ADAMTS20: variants seen among roughly 807,000 people sequenced by gnomAD.
The protein encoded by ADAMTS20 is A disintegrin and metalloproteinase with thrombospondin motifs 20.
A neutral mutation model predicts 260.1 loss-of-function variants in ADAMTS20; 225 were observed. That is an observed-to-expected ratio of 0.87 (90% CI 0.78 to 0.97). ADAMTS20 has a LOEUF of 0.97. Among genes scored for constraint, ADAMTS20 ranks in the 50% least tolerant of loss-of-function variants. The pLI, the probability that ADAMTS20 is intolerant of heterozygous loss-of-function variation, is 0.00. For synonymous variants in ADAMTS20, 802 were observed against 769.5 expected (o/e 1.04, Z -0.70); for missense variants, 2,400 against 2,337.7 (o/e 1.03, Z -0.55).
chr12:43,353,203 T>A (rs565382085), downstream of ADAMTS20, among the ~76,000 whole-genome samples: 110 of 152,158 alleles, frequency 7.2e-4, no homozygotes, highest in Non-Finnish European at 1.4e-3. Context: ...ATTTGCCAAT[T>A]AATAGTTAAT....
intron 6 of ADAMTS20, among the ~76,000 whole-genome samples, 174 bp from the exon 7 acceptor site, chr12:43,490,609 CA>C (rs1387963930): frequency 6.6e-6 from 1 of 152,012 alleles, no homozygotes; most frequent in African/African-American, 2.4e-5. Flanking sequence ...ACCATTTGTC[CA>C]CATCAATAAG....
chr12:43,388,553 T>TA (rs1222495042), intron 29 of ADAMTS20, among the ~76,000 whole-genome samples: 1 of 152,236 alleles, frequency 6.6e-6, no homozygotes, highest in Non-Finnish European at 1.5e-5. Flanking sequence ...ACTGTAAACT[T>TA]AGACAACTTT....
intron 28 of ADAMTS20, chr12:43,422,773 A>C (rs1377572933): frequency 6.6e-6 from 1 of 152,050 alleles, no homozygotes; most frequent in African/African-American, 2.4e-5. Context: ...CATCTGTCTT[A>C]CTATTTGGCA....
At position 43,424,244 on chromosome 12, in the gene ADAMTS20, A is replaced by G. The variant is rs1286963815; in HGVS notation, c.4284+1270T>C. On this transcript the variant is annotated intron_variant, in intron 28 of 38. Coordinates refer to ENST00000389420, the MANE Select transcript of ADAMTS20 (RefSeq NM_025003.5). Reference sequence around the variant, plus strand: ...TTGGTCATTCTTGATTTAAAATATCAATGGTAATCAAAATGCCTATTTCAA... The same window carrying G: ...TTGGTCATTCTTGATTTAAAATATCGATGGTAATCAAAATGCCTATTTCAA... 2.0e-5 allele frequency among the ~76,000 whole-genome samples: 3 copies of G among 152,144 alleles called. No homozygotes were observed. The East Asian group carries it at 5.8e-4, about 29-fold the overall frequency.
chr12:43,483,080 C>G (rs1394840888), intron 7 of ADAMTS20, among the ~76,000 whole-genome samples: 2 of 152,166 alleles, frequency 1.3e-5, no homozygotes, highest in South Asian at 2.1e-4. Context: ...AAAGAAATCT[C>G]AGAGTCTACG....
In ADAMTS20 at chr12:43,551,297, A is replaced by T; in HGVS notation, c.92-27T>A. 1.3e-6 allele frequency: 2 copies of T among 1,595,382 alleles called. No homozygotes were observed. The highest frequency in any genetic ancestry group is 8.6e-7 in the Non-Finnish European group (1 of 1,168,730). ...TGCAACAACAGCGACAGGACCAGTG[A>T]GCTCCCACGCGTTCCTCATTGTCCA... On this transcript the variant is annotated intron_variant, in intron 1 of 38. Transcript: ENST00000389420. The surrounding 1 kb of genome is among the most constrained non-coding windows in gnomAD (Gnocchi z 4.6).
chr12:43,434,629 T>C (rs1389752832), intron 18 of ADAMTS20, among the ~76,000 whole-genome samples: 1 of 152,162 alleles, frequency 6.6e-6, no homozygotes, highest in Non-Finnish European at 1.5e-5. Context: ...TAAAATGAAA[T>C]TCACTATAGT....
intron 29 of ADAMTS20, among the ~76,000 whole-genome samples, chr12:43,390,979 ATCTTAG>A (rs1172962473): frequency 6.6e-6 from 1 of 151,926 alleles, no homozygotes; most frequent in African/African-American, 2.4e-5. Context: ...ATTTTTTTTT[ATCTTAG>A]TCTATTAGGG....
rs370002718 is a variant in ADAMTS20, at chr12:43,383,801, C to T, written c.4626+3G>A. 1.2e-6 allele frequency: 2 copies of T among 1,613,522 alleles called. No individual in the cohort carries two copies. Among genetic ancestry groups the T allele is most frequent in the Non-Finnish European group, 1.7e-6 (2 of 1,179,704 alleles). ...CTTTGAAAATTTACATGTCGATACT[C>T]ACATTCAGCCTCCCTCTTTCCATCC... On this transcript the variant is annotated splice_donor_region_variant and intron_variant, in intron 30 of 38. Coordinates refer to ENST00000389420, the MANE Select transcript of ADAMTS20 (RefSeq NM_025003.5).
intron 12 of ADAMTS20, 97 bp from the exon 13 acceptor site, chr12:43,452,792 A>G (rs1391245338): frequency 2.6e-6 from 3 of 1,156,422 alleles, no homozygotes; most frequent in Non-Finnish European, 3.6e-6. Flanking sequence ...CTAGAAAACC[A>G]GTGAAGTCCC....
chr12:43,493,352 T>C, intron 4 of ADAMTS20, 99 bp from the exon 5 acceptor site: 2 of 799,632 alleles, frequency 2.5e-6, no homozygotes, highest in Non-Finnish European at 2.0e-6. Flanking sequence ...CTAATTGCAC[T>C]GCACGTAGGA....
At chr12:43,518,626 C>G (rs79911020) in intron 3 of ADAMTS20, among the ~76,000 whole-genome samples, 1,570 of 152,094 alleles carry the variant, frequency 0.01, 34 homozygotes, top group African/African-American at 0.035. Flanking sequence ...ATTCTTATCT[C>G]AAGCCTAAAC....
intron 26 of ADAMTS20, 24 bp downstream of exon 26, chr12:43,428,217 T>C: frequency 2.5e-6 from 4 of 1,608,794 alleles, no homozygotes; most frequent in Non-Finnish European, 3.4e-6. Context: ...ACAGAATTAA[T>C]ATAACTCAAT....
At chr12:43,371,561 G>A (rs1430932799) in intron 36 of ADAMTS20, among the ~76,000 whole-genome samples, 2 of 152,116 alleles carry the variant, frequency 1.3e-5, no homozygotes, top group South Asian at 2.1e-4. Context: ...GGTTCTGGAT[G>A]GTCTTATTTA....
Position 43,432,825 on chromosome 12 carries a change from G to A in ADAMTS20, c.2721-14C>T. On this transcript the variant is annotated splice_polypyrimidine_tract_variant and intron_variant, in intron 19 of 38. Coordinates refer to ENST00000389420, the MANE Select transcript of ADAMTS20 (RefSeq NM_025003.5). ...ATAACATGCCACCTTGAAAAAAGAT[G>A]TTACTATACTTAGGAGGTATATTAC... 3 of 1,594,386 alleles carry A rather than the reference G, an allele frequency of 1.9e-6. No individual in the cohort carries two copies. The highest frequency in any genetic ancestry group is 2.6e-6 in the Non-Finnish European group (3 of 1,162,394).
rs766781449 is a variant in ADAMTS20 at position 43,432,592 on chromosome 12, T to G, written c.2931+9A>C. 3.0e-5 allele frequency: 48 copies of G among 1,612,114 alleles called. No homozygotes were observed. The highest frequency in any genetic ancestry group is 3.8e-5 in the Non-Finnish European group (45 of 1,179,268). ...GGCAACTTTTTTTAAGCAATCATTT[T>G]TATTGTACCTGAGACCATTCTGAAT... On this transcript the variant is annotated intron_variant, in intron 20 of 38. Transcript: ENST00000389420.
intron 3 of ADAMTS20, among the ~76,000 whole-genome samples, chr12:43,520,663 A>G (rs533715911): frequency 6.6e-6 from 1 of 152,308 alleles, no homozygotes; most frequent in South Asian, 2.1e-4. Context: ...GGAAAGGAGA[A>G]TATCTCTATA....
At position 43,515,020 on chromosome 12, in the gene ADAMTS20, T is replaced by C. The variant is rs117688169; in HGVS notation, c.614-12615A>G. On this transcript the variant is annotated intron_variant, in intron 3 of 38. Coordinates refer to ENST00000389420, the MANE Select transcript of ADAMTS20 (RefSeq NM_025003.5). ...TCAGATGAGCCTTCATGGCACTCCA[T>C]TTCCAAGCCATGTCCACTGACTATG... 5.1e-3 allele frequency among the ~76,000 whole-genome samples: 774 copies of C among 152,318 alleles called. 17 individuals are homozygous for C. Among genetic ancestry groups the C allele is most frequent in the Admixed American group, 0.04 (607 of 15,302 alleles).
Position 43,527,403 on chromosome 12 carries a change from G to C in ADAMTS20, c.613+4633C>G, listed in dbSNP as rs1943158515. On this transcript the variant is annotated intron_variant, in intron 3 of 38. Coordinates refer to ENST00000389420, the MANE Select transcript of ADAMTS20 (RefSeq NM_025003.5). ...TGACATAACAAAAAAAGAAAACACA[G>C]ACCAATATCCCTGATAAAAATGAAA... is the stretch of plus-strand genomic sequence containing the variant. 2.0e-5 allele frequency among the ~76,000 whole-genome samples: 3 copies of C among 152,028 alleles called. No individual in the cohort carries two copies. The South Asian group carries it at 6.2e-4, about 32-fold the overall frequency.
Sources: gnomAD v4.1 joint callset for allele counts (sites outside exome capture counted in the v4.1 genomes callset) on GRCh38, gnomAD v4.1.1 for gene constraint, Gnocchi (gnomAD v3.1) non-coding constraint, MANE v1.5 for transcripts, NCBI Gene and HGNC (gene_info 2026-07-23, HGNC 2026-07-21) for gene names.